The following SIPA1L2 variants were observed in gnomAD, a reference collection of about 807,000 sequenced individuals.
SIPA1L2 encodes the protein signal-induced proliferation-associated 1-like protein 2.
In SIPA1L2, 56 loss-of-function variants were observed where a neutral mutation model predicts 163.9. That is an observed-to-expected ratio of 0.34 (90% CI 0.28 to 0.43). The LOEUF (loss-of-function observed/expected upper bound fraction) is 0.43, where lower values mean the gene tolerates loss of function less well. SIPA1L2 is among the 20% of genes least tolerant of loss of function. SIPA1L2 has a pLI of 1.00. For missense variants in SIPA1L2, 1,974 were observed against 2,193.5 expected, an observed-to-expected ratio of 0.90 and a Z score of 2.00; for synonymous variants, 877 against 865.7, an observed-to-expected ratio of 1.01 and a Z score of -0.23.
chr1:232,448,701 A>G (rs946046973), intron 10 of SIPA1L2, among the ~76,000 whole-genome samples: 1 of 152,214 alleles, frequency 6.6e-6, no homozygotes, highest in African/African-American at 2.4e-5. Context: ...CAGAATGCCA[A>G]AATGGTGCAG....
Position 232,465,461 on chromosome 1 carries a change from C to T in SIPA1L2, c.2244-45G>A, listed in dbSNP as rs537058431. ...AACAAAATGAGATGAGCTATGATAC[C>T]ATAATATGTATCTTTCCGAATTTGA... On this transcript the variant is annotated intron_variant, in intron 8 of 22. Coordinates refer to ENST00000674635, the MANE Select transcript of SIPA1L2 (RefSeq NM_020808.5). This position sits in a 1 kb window ranked among gnomAD's most constrained non-coding sequence, Gnocchi z 4.1. 16 of 1,507,582 alleles carry T rather than the reference C, an allele frequency of 1.1e-5. No individual in the cohort carries two copies. The highest frequency in any genetic ancestry group is 9.6e-5 in the Admixed American group (5 of 52,266). 93.4% of individuals were successfully genotyped at this position (1,507,582 alleles called of 1,614,324 possible).
At chr1:232,505,907 C>G (rs1666711042) in intron 3 of SIPA1L2, among the ~76,000 whole-genome samples, 1 of 152,138 alleles carries the variant, frequency 6.6e-6, no homozygotes, top group Non-Finnish European at 1.5e-5. Flanking sequence ...TGTCCAACTC[C>G]CTATTAATTT....
intron 1 of SIPA1L2, among the ~76,000 whole-genome samples, chr1:232,574,427 C>A (rs554495658): frequency 1.1e-4 from 16 of 146,378 alleles, no homozygotes; most frequent in Non-Finnish European, 2.1e-4. Context: ...TACGATAGCA[C>A]AAGAGATTGA....
chr1:232,469,947 A>T (rs1664718184), intron 8 of SIPA1L2, among the ~76,000 whole-genome samples: 1 of 152,030 alleles, frequency 6.6e-6, no homozygotes, highest in Non-Finnish European at 1.5e-5. Context: ...TTACCTCATG[A>T]TATAAGCATA....
intron 3 of SIPA1L2, among the ~76,000 whole-genome samples, chr1:232,506,863 T>C (rs1174382372): frequency 1.3e-5 from 2 of 152,194 alleles, no homozygotes; most frequent in African/African-American, 4.8e-5. Context: ...ATTTTAAATA[T>C]ATGAGCACTT....
chr1:232,598,420 C>A (rs1661398573), intron 1 of SIPA1L2, among the ~76,000 whole-genome samples: 1 of 152,020 alleles, frequency 6.6e-6, no homozygotes, highest in African/African-American at 2.4e-5. Context: ...TAAAAGAAAA[C>A]CAAAAATGAC....
chr1:232,441,656 G>A, intron 13 of SIPA1L2, 112 bp downstream of exon 13: 1 of 943,348 alleles, frequency 1.1e-6, no homozygotes, highest in East Asian at 2.6e-5. Flanking sequence ...ACCTCAACTT[G>A]GTGCACATAG....
intron 2 of SIPA1L2, among the ~76,000 whole-genome samples, chr1:232,541,247 T>TATAACA (rs552074001): frequency 1.4e-3 from 198 of 144,672 alleles, no homozygotes; most frequent in Admixed American, 5.0e-3. Context: ...TAACATAACA[T>TATAACA]TAACATAACA....
At chr1:232,508,795 T>TA (rs1355292121) in intron 3 of SIPA1L2, among the ~76,000 whole-genome samples, 1 of 152,172 alleles carries the variant, frequency 6.6e-6, no homozygotes, top group Non-Finnish European at 1.5e-5. Flanking sequence ...TCACTGCTTT[T>TA]AAAAAAGCTG....
At chr1:232,486,089 A>C (rs1423215026) in intron 5 of SIPA1L2, among the ~76,000 whole-genome samples, 2 of 152,138 alleles carry the variant, frequency 1.3e-5, no homozygotes, top group African/African-American at 4.8e-5. Context: ...AGCTTGCCTC[A>C]GTCTGCTCTG....
At chr1:232,547,055 G>A (rs560356283) in intron 2 of SIPA1L2, among the ~76,000 whole-genome samples, 2 of 152,284 alleles carry the variant, frequency 1.3e-5, no homozygotes, top group South Asian at 4.1e-4. Flanking sequence ...GGATACACAA[G>A]AAACTAGTAA....
At chr1:232,409,585 A>C (rs1485259722) in intron 19 of SIPA1L2, among the ~76,000 whole-genome samples, 1 of 152,236 alleles carries the variant, frequency 6.6e-6, no homozygotes, top group Non-Finnish European at 1.5e-5. Context: ...GCCTTAAGAC[A>C]TCACAGAACT....
chr1:232,401,414 C>T (rs1339999582), intron 22 of SIPA1L2, among the ~76,000 whole-genome samples: 3 of 152,174 alleles, frequency 2.0e-5, no homozygotes, highest in Admixed American at 6.5e-5. Flanking sequence ...CTCCTAAACC[C>T]GGTTGGTTTA....
intron 2 of SIPA1L2, among the ~76,000 whole-genome samples, chr1:232,557,132 A>G (rs894602662): frequency 1.3e-5 from 2 of 152,234 alleles, no homozygotes; most frequent in African/African-American, 4.8e-5. Context: ...TGTGTAATCC[A>G]CAGTAGGTTA....
chr1:232,520,448 G>C (rs1667412841), intron 2 of SIPA1L2, among the ~76,000 whole-genome samples: 1 of 152,192 alleles, frequency 6.6e-6, no homozygotes, highest in African/African-American at 2.4e-5. Context: ...AAGAAATGGA[G>C]AGCATTTGAT....
chr1:232,544,284 G>C (rs1487514424), intron 2 of SIPA1L2, among the ~76,000 whole-genome samples: 1 of 152,176 alleles, frequency 6.6e-6, no homozygotes, highest in Non-Finnish European at 1.5e-5. Context: ...GCTAGCGGCC[G>C]GGCGCAATGG....
At chr1:232,434,529 C>T (rs1662437032) in intron 15 of SIPA1L2, among the ~76,000 whole-genome samples, 2 of 151,980 alleles carry the variant, frequency 1.3e-5, no homozygotes, top group South Asian at 4.2e-4. Flanking sequence ...ACATGGAACA[C>T]CAGGTCGGGA....
chr1:232,592,409 G>T (rs1661015056), intron 1 of SIPA1L2, among the ~76,000 whole-genome samples: 1 of 152,170 alleles, frequency 6.6e-6, no homozygotes, highest in South Asian at 2.1e-4. Flanking sequence ...GTTTGCAAAG[G>T]TTCTTAATTT....
intron 3 of SIPA1L2, among the ~76,000 whole-genome samples, chr1:232,510,996 T>C (rs1030376745): frequency 6.6e-6 from 1 of 152,228 alleles, no homozygotes; most frequent in African/African-American, 2.4e-5. Flanking sequence ...CAACAGACTT[T>C]ATTTTATTAA....
Sources: gnomAD v4.1 joint callset for allele counts (sites outside exome capture counted in the v4.1 genomes callset) on GRCh38, gnomAD v4.1.1 for gene constraint, Gnocchi (gnomAD v3.1) non-coding constraint, MANE v1.5 for transcripts, NCBI Gene and HGNC (gene_info 2026-07-23, HGNC 2026-07-21) for gene names.